KIF26B: variants seen among roughly 807,000 people sequenced by gnomAD.
The protein encoded by KIF26B is kinesin family member 26B, also known as kinesin-like protein KIF26B.
Under a neutral mutation model 151.2 loss-of-function variants are expected in KIF26B, and 63 were observed. That is an observed-to-expected ratio of 0.42 (90% CI 0.34 to 0.51). KIF26B has a LOEUF of 0.51. Ranked by LOEUF, KIF26B falls within the 20% of genes least tolerant of loss-of-function variation. The pLI, the probability that KIF26B is intolerant of heterozygous loss-of-function variation, is 0.07. For missense variants in KIF26B, 2,813 were observed against 2,913.6 expected, an observed-to-expected ratio of 0.97 and a Z score of 0.79; for synonymous variants, 1,357 against 1,262.1, an observed-to-expected ratio of 1.08 and a Z score of -1.59.
intron 4 of KIF26B, among the ~76,000 whole-genome samples, chr1:245,422,734 C>A (rs560510656): frequency 2.0e-5 from 3 of 152,298 alleles, no homozygotes; most frequent in African/African-American, 7.2e-5. Context: ...GAGAGAGAGT[C>A]CTCTGAGTCT....
In KIF26B at chr1:245,684,341, G is replaced by A; in HGVS notation, c.2367G>A (p.Leu789=). The change falls in exon 11 of 15, where the codon CTG becomes CTA. Residue 789 remains leucine, a synonymous_variant. Transcript: ENST00000407071. ...SAAVGSYAET[L]STIQIASRVL... is the part of the protein sequence containing the mutation. ...CGGTCGGGAGCTACGCGGAGACCCT[G>A]TCCACCATCCAGATTGCATCGAGAG... The A allele has an allele frequency of 1.2e-6, 2 of 1,613,886 alleles. No homozygotes were observed. The highest frequency in any genetic ancestry group is 1.7e-6 in the Non-Finnish European group (2 of 1,179,870).
chr1:245,581,342 A>G (rs12117335), intron 5 of KIF26B, among the ~76,000 whole-genome samples: 11,698 of 152,276 alleles, frequency 0.077, 503 homozygotes, highest in Middle Eastern at 0.15. Context: ...GCTCTTGATC[A>G]GAATAGCATT....
intron 5 of KIF26B, among the ~76,000 whole-genome samples, chr1:245,584,986 T>C (rs191484842): frequency 1.3e-5 from 2 of 152,352 alleles, no homozygotes; most frequent in Admixed American, 6.5e-5. Context: ...GGATATAACA[T>C]TCACCTCCAC....
At chr1:245,486,948 T>A (rs188469879) in intron 4 of KIF26B, among the ~76,000 whole-genome samples, 1 of 152,232 alleles carries the variant, frequency 6.6e-6, no homozygotes, top group Non-Finnish European at 1.5e-5. Flanking sequence ...ACTAAACTTT[T>A]GCAGAGCTTC....
chr1:245,435,314 A>G (rs1166569169), intron 4 of KIF26B, among the ~76,000 whole-genome samples: 1 of 152,230 alleles, frequency 6.6e-6, no homozygotes, highest in Non-Finnish European at 1.5e-5. Flanking sequence ...AGGATAGGAC[A>G]GTGAGAAAGG....
chr1:245,667,587 C>G lies in KIF26B; in HGVS notation c.2259-16646C>G, dbSNP rs2044231059. Reference sequence around the variant, plus strand: ...GACTTCTTGTGATGGAGAGGTACACCCAGTAGATACTTATTTAAATACTTA... The same window carrying G: ...GACTTCTTGTGATGGAGAGGTACACGCAGTAGATACTTATTTAAATACTTA... On this transcript the variant is annotated intron_variant, in intron 10 of 14. Transcript: ENST00000407071. This position sits in a 1 kb window ranked among gnomAD's most constrained non-coding sequence, Gnocchi z 4.3. 1.3e-5 allele frequency among the ~76,000 whole-genome samples: 2 copies of G among 152,106 alleles called. No individual in the cohort carries two copies. Among genetic ancestry groups the G allele is most frequent in the South Asian group, 4.1e-4 (2 of 4,828 alleles).
chr1:245,240,372 C>T (rs1306693161), intron 2 of KIF26B, among the ~76,000 whole-genome samples: 1 of 152,062 alleles, frequency 6.6e-6, no homozygotes, highest in Non-Finnish European at 1.5e-5. Flanking sequence ...AGTGTATATA[C>T]CTCAGTGTGG....
intron 2 of KIF26B, among the ~76,000 whole-genome samples, chr1:245,338,556 C>T (rs1672278111): frequency 6.6e-6 from 1 of 152,190 alleles, no homozygotes; most frequent in Non-Finnish European, 1.5e-5. Context: ...ACCAAGTGAT[C>T]CATATACACG....
chr1:245,463,169 T>A (rs184528765), intron 4 of KIF26B, among the ~76,000 whole-genome samples: 1 of 152,260 alleles, frequency 6.6e-6, no homozygotes, highest in Admixed American at 6.5e-5. Context: ...TACAGGTAAG[T>A]AAGAGTGCTC....
intron 2 of KIF26B, among the ~76,000 whole-genome samples, chr1:245,273,214 G>A (rs1218805898): frequency 6.6e-6 from 1 of 152,080 alleles, no homozygotes; most frequent in Non-Finnish European, 1.5e-5. Context: ...AGGAGTTTGA[G>A]ACCAGCATGG....
In KIF26B at chr1:245,606,932, G is replaced by C. The variant is rs1426757279; in HGVS notation, c.1558-719G>C. On this transcript the variant is annotated intron_variant, in intron 6 of 14. Transcript: ENST00000407071. This position sits in a 1 kb window ranked among gnomAD's most constrained non-coding sequence, Gnocchi z 4.6. Reference sequence around the variant, plus strand: ...ATGCAAAAAATTAGCCAGGCATGGTGGCACATGCCTGTAATCCCAGCTACT... The same window carrying C: ...ATGCAAAAAATTAGCCAGGCATGGTCGCACATGCCTGTAATCCCAGCTACT... Among the ~76,000 whole-genome samples, 2 of 152,044 alleles carry C rather than the reference G, an allele frequency of 1.3e-5. No individual in the cohort carries two copies. The highest frequency in any genetic ancestry group is 2.9e-5 in the Non-Finnish European group (2 of 68,014).
intron 2 of KIF26B, among the ~76,000 whole-genome samples, chr1:245,315,710 CAAAAA>C (rs34972152): frequency 8.4e-6 from 1 of 119,550 alleles, no homozygotes; most frequent in Non-Finnish European, 1.8e-5. Flanking sequence ...TGACAGAGTG[CAAAAA>C]AAAAAAAAAA....
intron 2 of KIF26B, among the ~76,000 whole-genome samples, chr1:245,213,465 TCCCAGAGA>T (rs1669582884): frequency 6.6e-6 from 1 of 152,054 alleles, no homozygotes; most frequent in Non-Finnish European, 1.5e-5. Flanking sequence ...AACCCTTAAC[TCCCAGAGA>T]TCGCTGGTGG....
At chr1:245,631,755 G>T (rs979458597) in intron 9 of KIF26B, among the ~76,000 whole-genome samples, 7 of 151,962 alleles carry the variant, frequency 4.6e-5, no homozygotes, top group Non-Finnish European at 5.9e-5. Context: ...ATTAATTCTT[G>T]TTACTCATTA....
chr1:245,489,248 C>T (rs1660346791), intron 4 of KIF26B, among the ~76,000 whole-genome samples: 1 of 152,204 alleles, frequency 6.6e-6, no homozygotes, highest in Non-Finnish European at 1.5e-5. Context: ...ACTCAGACAT[C>T]CTTTTCAACC....
rs1450551791 is a variant in KIF26B, at chr1:245,680,013, G to A, written c.2259-4220G>A. ...TGGCTCTGGGGAGGGGGTGGCCAGC[G>A]GCCCTGCACGCTTCTTCCTCTTTTC... On this transcript the variant is annotated intron_variant, in intron 10 of 14. Coordinates refer to ENST00000407071, the MANE Select transcript of KIF26B (RefSeq NM_018012.4). Among the ~76,000 whole-genome samples the A allele has an allele frequency of 2.6e-5, 4 of 152,004 alleles. No homozygotes were observed. The East Asian group carries it at 7.7e-4, about 29-fold the overall frequency.
intron 9 of KIF26B, among the ~76,000 whole-genome samples, chr1:245,627,199 T>C (rs1463163285): frequency 6.6e-6 from 1 of 152,218 alleles, no homozygotes; most frequent in African/African-American, 2.4e-5. Context: ...TGTTTTCCAG[T>C]ATTGCTTTGT....
Position 245,615,623 on chromosome 1 carries a change from T to C in KIF26B, c.2098+3647T>C, listed in dbSNP as rs368766574. 5.3e-5 allele frequency among the ~76,000 whole-genome samples: 8 copies of C among 152,338 alleles called. No individual in the cohort carries two copies. The South Asian group carries it at 1.7e-3, about 32-fold the overall frequency. On this transcript the variant is annotated intron_variant, in intron 9 of 14. Coordinates refer to ENST00000407071, the MANE Select transcript of KIF26B (RefSeq NM_018012.4). ...TTAAGTTGTGAAAGAGAATTGCTTT[T>C]AAATAATGCATTCAGGTTAAAAGAA... is the stretch of plus-strand genomic sequence containing the variant.
intron 2 of KIF26B, among the ~76,000 whole-genome samples, chr1:245,343,943 C>T (rs1208286195): frequency 6.6e-6 from 1 of 152,186 alleles, no homozygotes; most frequent in Non-Finnish European, 1.5e-5. Flanking sequence ...TCTGTAGCTG[C>T]AATTCGGGGG....
Sources: allele counts gnomAD v4.1 joint callset (sites outside exome capture counted in the v4.1 genomes callset), GRCh38; gene constraint gnomAD v4.1.1; non-coding constraint Gnocchi (gnomAD v3.1); transcripts MANE v1.5; gene names NCBI Gene and HGNC (gene_info 2026-07-23, HGNC 2026-07-21).